RORA: variants seen among roughly 807,000 people sequenced by gnomAD.
The protein encoded by RORA is RAR related orphan receptor A.
In RORA, 7 loss-of-function variants were observed where a neutral mutation model predicts 69.5. The ratio of observed to expected loss-of-function variants is 0.10; its 90% CI spans 0.06 to 0.19. The LOEUF (loss-of-function observed/expected upper bound fraction) is 0.19. Ranked by LOEUF, RORA falls within the 10% of genes least tolerant of loss-of-function variation. The pLI, the probability that RORA is intolerant of heterozygous loss-of-function variation, is 1.00. For missense variants in RORA, 457 were observed against 663.0 expected (o/e 0.69, Z 3.41); for synonymous variants, 261 against 240.8 (o/e 1.08, Z -0.78).
intron 1 of RORA, among the ~76,000 whole-genome samples, chr15:60,700,870 A>G: frequency 6.6e-6 from 1 of 152,152 alleles, no homozygotes; most frequent in Non-Finnish European, 1.5e-5. Context: ...GTCTCTCCCT[A>G]GCACATCCTT....
chr15:60,854,458 A>AT (rs1363924788), intron 1 of RORA, among the ~76,000 whole-genome samples: 2 of 152,110 alleles, frequency 1.3e-5, no homozygotes, highest in Non-Finnish European at 2.9e-5. Context: ...AGGGAGAAAA[A>AT]TTTTTGCTGT....
intron 1 of RORA, among the ~76,000 whole-genome samples, chr15:61,180,614 T>C (rs2079675344): frequency 6.6e-6 from 1 of 152,194 alleles, no homozygotes; most frequent in Non-Finnish European, 1.5e-5. Context: ...AAAGAGACAG[T>C]TAAAAATTCC....
intron 2 of RORA, among the ~76,000 whole-genome samples, chr15:60,566,159 C>G (rs1225894530): frequency 2.0e-5 from 3 of 152,104 alleles, no homozygotes; most frequent in Non-Finnish European, 2.9e-5. Context: ...TTATGGAGAG[C>G]AGAGTTCAAA....
At chr15:61,059,907 C>CGAAGAA (rs57030654) in intron 1 of RORA, among the ~76,000 whole-genome samples, 3 of 126,978 alleles carry the variant, frequency 2.4e-5, no homozygotes, top group Non-Finnish European at 3.4e-5. Flanking sequence ...CAGTTCCACA[C>CGAAGAA]GAAGAAGAAG....
intron 2 of RORA, chr15:60,677,236 C>T (rs753325546): frequency 1.1e-5 from 5 of 455,706 alleles, no homozygotes; most frequent in African/African-American, 6.0e-5. Flanking sequence ...GCCTGCCCTG[C>T]GGATATACAG....
intron 2 of RORA, among the ~76,000 whole-genome samples, chr15:60,599,911 C>T (rs745490687): frequency 1.3e-5 from 2 of 152,140 alleles, no homozygotes; most frequent in Admixed American, 6.5e-5. Context: ...TAATAAAACA[C>T]ATAGAGCAAA....
At chr15:60,839,224 G>A (rs1389468944) in intron 1 of RORA, among the ~76,000 whole-genome samples, 3 of 152,046 alleles carry the variant, frequency 2.0e-5, no homozygotes, top group African/African-American at 4.8e-5. Flanking sequence ...AAGTGCTTAC[G>A]TGTCAGGCAT....
chr15:61,182,571 A>G (rs892555739), intron 1 of RORA, among the ~76,000 whole-genome samples: 1 of 152,230 alleles, frequency 6.6e-6, no homozygotes, highest in African/African-American at 2.4e-5. Flanking sequence ...TTCCAGTAGG[A>G]GAAAGGTTAG....
At chr15:60,980,110 C>G (rs919047470) in intron 1 of RORA, among the ~76,000 whole-genome samples, 7 of 152,090 alleles carry the variant, frequency 4.6e-5, no homozygotes, top group African/African-American at 1.7e-4. Flanking sequence ...TTGGTTAAAT[C>G]CTTTTTCTAT....
intron 1 of RORA, among the ~76,000 whole-genome samples, chr15:60,786,951 A>G (rs2072343247): frequency 6.6e-6 from 1 of 152,218 alleles, no homozygotes; most frequent in Non-Finnish European, 1.5e-5. Context: ...GGCTTTTCTC[A>G]GGGTCAGTGT....
intron 1 of RORA, among the ~76,000 whole-genome samples, chr15:60,756,207 A>T (rs1595689222): frequency 6.6e-6 from 1 of 152,238 alleles, no homozygotes; most frequent in African/African-American, 2.4e-5. Flanking sequence ...TTTTCATTTA[A>T]AAGAGCAGAG....
chr15:60,491,378 G>A lies in RORA; in HGVS notation c.*6077C>T, dbSNP rs2065037758. ...AGTTCTTAGAAGGATGAAAGTAAAAGAAGTGTGGTACTGCTAATGTGGCAA... is the reference window on the plus strand; with the variant it reads ...AGTTCTTAGAAGGATGAAAGTAAAAAAAGTGTGGTACTGCTAATGTGGCAA... On this transcript the variant is annotated 3_prime_UTR_variant, in exon 11 of 11. Transcript: ENST00000335670. 1 of 152,100 alleles carries A rather than the reference G, an allele frequency of 6.6e-6. No homozygotes were observed. The highest frequency in any genetic ancestry group is 6.6e-5 in the Admixed American group (1 of 15,262). The allele number at this position is 152,100 out of a possible 1,614,324, so 9.4% of individuals were successfully genotyped here. A position where few individuals can be genotyped will look rare whatever the true frequency, so the allele number is the denominator to read the frequency against.
intron 1 of RORA, among the ~76,000 whole-genome samples, chr15:60,918,977 C>T (rs1410872675): frequency 6.6e-6 from 1 of 152,094 alleles, no homozygotes; most frequent in Non-Finnish European, 1.5e-5. Flanking sequence ...TCTGTGGGGA[C>T]CAAGAGAATA....
chr15:60,963,732 G>A (rs928215707), intron 1 of RORA, among the ~76,000 whole-genome samples: 1 of 152,218 alleles, frequency 6.6e-6, no homozygotes, highest in African/African-American at 2.4e-5. Context: ...GAATGGCCCA[G>A]TTAGCTCTGC....
chr15:60,817,766 C>T (rs753527247), intron 1 of RORA, among the ~76,000 whole-genome samples: 12 of 152,190 alleles, frequency 7.9e-5, no homozygotes, highest in Non-Finnish European at 1.6e-4. Context: ...GTCCCCTGTG[C>T]CAAATCACTT....
At chr15:60,946,403 G>A (rs1016658893) in intron 1 of RORA, among the ~76,000 whole-genome samples, 4 of 152,168 alleles carry the variant, frequency 2.6e-5, no homozygotes, top group Non-Finnish European at 4.4e-5. Context: ...GAGTGCCTGC[G>A]ATTGCAGGCG....
intron 1 of RORA, among the ~76,000 whole-genome samples, chr15:61,202,774 AAAAC>A (rs1453699609): frequency 2.0e-5 from 3 of 152,162 alleles, no homozygotes; most frequent in Admixed American, 1.3e-4. Context: ...AGAAAAAACA[AAAAC>A]AAACAAACAA....
chr15:61,007,892 T>C (rs905176432), intron 1 of RORA, among the ~76,000 whole-genome samples: 1 of 149,418 alleles, frequency 6.7e-6, no homozygotes, highest in South Asian at 2.1e-4. Flanking sequence ...ATTAGGATAA[T>C]AGAAATTATC....
chr15:60,555,319 G>A (rs1165561608), intron 2 of RORA, among the ~76,000 whole-genome samples: 2 of 152,146 alleles, frequency 1.3e-5, no homozygotes, highest in Non-Finnish European at 2.9e-5. Flanking sequence ...AAATCAAAAG[G>A]TTCCAAAGCC....
Sources: allele counts gnomAD v4.1 joint callset (sites outside exome capture counted in the v4.1 genomes callset), GRCh38; gene constraint gnomAD v4.1.1; transcripts MANE v1.5; gene names NCBI Gene and HGNC (gene_info 2026-07-23, HGNC 2026-07-21).